The following CECR2 variants were observed in gnomAD, a reference collection of about 807,000 sequenced individuals.
CECR2 encodes the protein chromatin remodeling regulator CECR2.
In CECR2, 30 loss-of-function variants were observed where a neutral mutation model predicts 154.5. The observed-to-expected ratio is 0.19, with a 90% CI of 0.15 to 0.26. The LOEUF (loss-of-function observed/expected upper bound fraction) is 0.26. Ranked by LOEUF, CECR2 falls within the 10% of genes least tolerant of loss-of-function variation. CECR2 has a pLI of 1.00. For synonymous variants in CECR2, 725 were observed against 683.7 expected (o/e 1.06, Z -0.94); for missense variants, 1,743 against 1,829.3 (o/e 0.95, Z 0.86).
At position 17,506,706 on chromosome 22, in the gene CECR2, T is replaced by C. The variant is rs766650409; in HGVS notation, c.870+1690T>C. The stretch of plus-strand genomic sequence containing the variant: ...ACTCGCTCTGTCACTCAGGGTGGAG[T>C]GCAGTGGCACAATCTTGGCCCCCCG... On this transcript the variant is annotated intron_variant, in intron 7 of 18. Coordinates refer to ENST00000262608, the MANE Select transcript of CECR2 (RefSeq NM_001290047.2). Among the ~76,000 whole-genome samples the C allele has an allele frequency of 5.9e-5, 9 of 152,148 alleles. No homozygotes were observed. In the East Asian group the frequency reaches 1.5e-3, roughly 26 times the overall value.
chr22:17,388,635 T>TA (rs1259028114), intron 1 of CECR2, among the ~76,000 whole-genome samples: 1 of 152,150 alleles, frequency 6.6e-6, no homozygotes, highest in East Asian at 1.9e-4. Flanking sequence ...AGGAATCTTT[T>TA]ACGCAATTTA....
Position 17,548,128 on chromosome 22 carries a change from C to T in CECR2, c.2861-20C>T, listed in dbSNP as rs937398329. Reference sequence around the variant, plus strand: ...CAGCTACTGAGTTATTTTTTCTCCTCTTTTTTTTTTTTTTTGCAGCAGAGC... The same window carrying T: ...CAGCTACTGAGTTATTTTTTCTCCTTTTTTTTTTTTTTTTTGCAGCAGAGC... On this transcript the variant is annotated intron_variant, in intron 16 of 18. Coordinates refer to ENST00000262608, the MANE Select transcript of CECR2 (RefSeq NM_001290047.2). 5 of 1,378,062 alleles carry T rather than the reference C, an allele frequency of 3.6e-6. No homozygotes were observed. The highest frequency in any genetic ancestry group is 1.4e-5 in the South Asian group (1 of 69,000). The allele number at this position is 1,378,062 out of a possible 1,614,324, so 85.4% of individuals were successfully genotyped here.
At chr22:17,433,330 T>C (rs2054455321) in intron 1 of CECR2, among the ~76,000 whole-genome samples, 1 of 152,160 alleles carries the variant, frequency 6.6e-6, no homozygotes, top group African/African-American at 2.4e-5. Flanking sequence ...CTGATAAAGG[T>C]ATTTTAAAGG....
chr22:17,390,880 A>G (rs1347406315), intron 1 of CECR2, among the ~76,000 whole-genome samples: 3 of 152,228 alleles, frequency 2.0e-5, no homozygotes, highest in Non-Finnish European at 2.9e-5. Context: ...CTGATAAACA[A>G]TGTTCAGAAA....
intron 1 of CECR2, among the ~76,000 whole-genome samples, chr22:17,447,672 C>T (rs530809285): frequency 6.7e-6 from 1 of 148,502 alleles, no homozygotes; most frequent in South Asian, 2.1e-4. Flanking sequence ...AAAGAAAAGC[C>T]GGGGGTCGGG....
intron 16 of CECR2, among the ~76,000 whole-genome samples, chr22:17,547,138 C>T (rs965652250): frequency 2.0e-5 from 3 of 150,842 alleles, no homozygotes; most frequent in South Asian, 2.1e-4. Flanking sequence ...ATTTTTAGGT[C>T]GAATAGTAAG....
At chr22:17,470,407 AAG>A (rs1488404680) in intron 1 of CECR2, among the ~76,000 whole-genome samples, 2,880 of 150,474 alleles carry the variant, frequency 0.019, 78 homozygotes, top group East Asian at 0.18. Flanking sequence ...AAAAAAAAAA[AAG>A]AAAAAAAAAT....
intron 1 of CECR2, among the ~76,000 whole-genome samples, chr22:17,447,033 C>CTTT (rs1555910503): frequency 1.2e-4 from 14 of 114,110 alleles, no homozygotes; most frequent in Non-Finnish European, 1.2e-4. Flanking sequence ...CGTTTACAAT[C>CTTT]TTTTTTTTTT....
At chr22:17,534,857 C>CAAAA (rs551773727) in intron 9 of CECR2, 20,291 of 125,220 alleles carry the variant, frequency 0.16, 1,724 homozygotes, top group Non-Finnish European at 0.18. Flanking sequence ...AACTCTGTCT[C>CAAAA]AAAAAAAAAA....
At chr22:17,482,961 G>T (rs1424357398) in intron 2 of CECR2, among the ~76,000 whole-genome samples, 1 of 152,080 alleles carries the variant, frequency 6.6e-6, no homozygotes, top group East Asian at 1.9e-4. Context: ...GATTACAGGC[G>T]TGAGCCACCG....
At chr22:17,526,146 G>GA (rs149419980) in intron 9 of CECR2, among the ~76,000 whole-genome samples, 7,521 of 150,952 alleles carry the variant, frequency 0.05, 237 homozygotes, top group African/African-American at 0.078. Flanking sequence ...CACAAAAATA[G>GA]AAAAAAAAAT....
At chr22:17,551,112 C>CTTAGGAAAAAAACAG (rs1168888715) in intron 17 of CECR2, among the ~76,000 whole-genome samples, 1 of 152,098 alleles carries the variant, frequency 6.6e-6, no homozygotes. Flanking sequence ...CTTTGCTTTG[C>CTTAGGAAAAAAACAG]TTTTTTTCCT....
intron 6 of CECR2, among the ~76,000 whole-genome samples, chr22:17,504,522 C>T (rs866396762): frequency 1.6e-4 from 25 of 151,850 alleles, no homozygotes; most frequent in South Asian, 6.2e-4. Context: ...CTGCAAGCTC[C>T]GCCTCCCGGG....
intron 3 of CECR2, among the ~76,000 whole-genome samples, chr22:17,498,034 T>A (rs946316894): frequency 6.6e-6 from 1 of 152,194 alleles, no homozygotes; most frequent in Non-Finnish European, 1.5e-5. Context: ...TTACAAAAAA[T>A]GTGTTGAAGG....
chr22:17,523,134 A>G (rs980884082), intron 8 of CECR2, among the ~76,000 whole-genome samples: 3 of 151,446 alleles, frequency 2.0e-5, no homozygotes, highest in African/African-American at 7.3e-5. Context: ...AGGTTGGAGT[A>G]TTACGCCTGT....
intron 3 of CECR2, among the ~76,000 whole-genome samples, chr22:17,498,187 G>A (rs1325126806): frequency 1.3e-5 from 2 of 152,076 alleles, no homozygotes; most frequent in Non-Finnish European, 2.9e-5. Flanking sequence ...TCAGGAGATC[G>A]AGACCATCCT....
At chr22:17,552,717 A>T (rs891869224) in intron 18 of CECR2, 118 bp from the exon 19 acceptor site, 6 of 981,494 alleles carry the variant, frequency 6.1e-6, no homozygotes, top group Non-Finnish European at 8.9e-6. Context: ...TAACTGATGA[A>T]ACAGAATCAA....
chr22:17,548,996 T>C lies in CECR2; in HGVS notation c.3709T>C (p.Phe1237Leu). 1 of 1,613,972 alleles carries C rather than the reference T, an allele frequency of 6.2e-7. No individual in the cohort carries two copies. Among genetic ancestry groups the C allele is most frequent in the Non-Finnish European group, 8.5e-7 (1 of 1,179,886 alleles). ...TCAGCCTCCCCCACCAAGGTCCCTC[T>C]TCTCAGATAAGAATGCCATGGCCAG... is the stretch of plus-strand genomic sequence containing the variant. ...ASQPPPPRSL[F>L]SDKNAMASLQ... The change falls in exon 17 of 19, where the codon TTC (phenylalanine) becomes CTC (leucine). Residue 1237 changes from phenylalanine (F) to leucine (L), a missense_variant. By Grantham distance (22) the Phe-to-Leu change is conservative. Coordinates refer to ENST00000262608, the MANE Select transcript of CECR2 (RefSeq NM_001290047.2).
chr22:17,403,001 G>A (rs1314015484), intron 1 of CECR2, among the ~76,000 whole-genome samples: 5 of 152,094 alleles, frequency 3.3e-5, no homozygotes, highest in Admixed American at 2.6e-4. Flanking sequence ...CGATCCACCC[G>A]CCTCGGCCTC....
Sources: gnomAD v4.1 joint callset for allele counts (sites outside exome capture counted in the v4.1 genomes callset) on GRCh38, gnomAD v4.1.1 for gene constraint, MANE v1.5 for transcripts, NCBI Gene and HGNC (gene_info 2026-07-23, HGNC 2026-07-21) for gene names.